DPF3: variants seen among roughly 807,000 people sequenced by gnomAD.
DPF3 encodes the protein double PHD fingers 3.
Under a neutral mutation model 56.8 loss-of-function variants are expected in DPF3, and 18 were observed. The observed-to-expected ratio is 0.32, with a 90% CI of 0.22 to 0.47. The LOEUF (loss-of-function observed/expected upper bound fraction) is 0.47, where lower values mean the gene tolerates loss of function less well. DPF3 is among the 20% of genes least tolerant of loss of function. The pLI is 1.00. For synonymous variants in DPF3, 188 were observed against 180.2 expected, an observed-to-expected ratio of 1.04 and a Z score of -0.35; for missense variants, 403 against 488.8, an observed-to-expected ratio of 0.82 and a Z score of 1.65.
chr14:72,654,851 C>A (rs1220553285), intron 8 of DPF3, among the ~76,000 whole-genome samples: 1 of 152,066 alleles, frequency 6.6e-6, no homozygotes, highest in Non-Finnish European at 1.5e-5. Flanking sequence ...ATAAAGAAAA[C>A]CAGTAACTGG....
intron 8 of DPF3, among the ~76,000 whole-genome samples, chr14:72,642,158 T>G (rs1351466048): frequency 6.6e-6 from 1 of 152,246 alleles, no homozygotes; most frequent in Non-Finnish European, 1.5e-5. Flanking sequence ...ACATCTGGAC[T>G]GCAGCCTCAT....
At chr14:72,737,495 G>A (rs759907835) in intron 3 of DPF3, among the ~76,000 whole-genome samples, 31 of 152,178 alleles carry the variant, frequency 2.0e-4, no homozygotes, top group East Asian at 5.8e-4. Flanking sequence ...CAAACGCCAC[G>A]AATGTCATGA....
chr14:72,630,348 C>T (rs990025740), intron 8 of DPF3, among the ~76,000 whole-genome samples: 5 of 152,162 alleles, frequency 3.3e-5, no homozygotes, highest in Admixed American at 3.3e-4. Flanking sequence ...AGTGGCCTGG[C>T]AGGGATGGCA....
chr14:72,673,429 T>G (rs1886776275), intron 8 of DPF3, among the ~76,000 whole-genome samples: 1 of 152,220 alleles, frequency 6.6e-6, no homozygotes, highest in Non-Finnish European at 1.5e-5. Context: ...TGTGGTCTAG[T>G]GCTGACATAA....
intron 2 of DPF3, among the ~76,000 whole-genome samples, chr14:72,761,593 T>A (rs912066166): frequency 6.6e-6 from 1 of 151,954 alleles, no homozygotes; most frequent in African/African-American, 2.4e-5. Flanking sequence ...CAGAAAATGA[T>A]GTAGTAGAAA....
chr14:72,708,920 A>G (rs1455414553), intron 6 of DPF3, among the ~76,000 whole-genome samples: 11 of 152,216 alleles, frequency 7.2e-5, no homozygotes, highest in Admixed American at 6.5e-4. Context: ...TGATCAGGGC[A>G]GTCCGGAGGC....
intron 4 of DPF3, among the ~76,000 whole-genome samples, chr14:72,727,577 A>G (rs531687248): frequency 6.9e-6 from 1 of 145,826 alleles, no homozygotes; most frequent in East Asian, 2.0e-4. Flanking sequence ...CTCCATCTCA[A>G]AAAAAAAAAA....
intron 1 of DPF3, among the ~76,000 whole-genome samples, chr14:72,858,437 C>T (rs1167655808): frequency 6.6e-6 from 1 of 152,176 alleles, no homozygotes; most frequent in East Asian, 1.9e-4. Flanking sequence ...TGCCTCCAGC[C>T]CCACAGGCAC....
intron 1 of DPF3, among the ~76,000 whole-genome samples, chr14:72,793,662 A>G (rs1327622315): frequency 1.3e-5 from 2 of 152,144 alleles, no homozygotes; most frequent in African/African-American, 4.8e-5. Context: ...GCATCCAAAG[A>G]TGGGGTGGGG....
intron 3 of DPF3, among the ~76,000 whole-genome samples, chr14:72,749,502 C>T (rs979355960): frequency 6.6e-5 from 10 of 152,118 alleles, no homozygotes; most frequent in South Asian, 2.1e-4. Flanking sequence ...CTTTGGAAGA[C>T]GGTTAGGAAG....
At chr14:72,862,856 C>T (rs1462296406) in intron 1 of DPF3, among the ~76,000 whole-genome samples, 1 of 152,098 alleles carries the variant, frequency 6.6e-6, no homozygotes, top group African/African-American at 2.4e-5. Flanking sequence ...CATCTGGGTG[C>T]CCCCACTAGA....
chr14:72,706,814 T>TTTTTTTC (rs1462542815), intron 6 of DPF3, among the ~76,000 whole-genome samples: 1 of 152,122 alleles, frequency 6.6e-6, no homozygotes, highest in Non-Finnish European at 1.5e-5. Context: ...ACAGTGCTTT[T>TTTTTTTC]TTTTTTCTTT....
chr14:72,861,737 G>GAGAAAGAAAGAGAGAGAA (rs1436291759), intron 1 of DPF3, among the ~76,000 whole-genome samples: 2 of 84,536 alleles, frequency 2.4e-5, no homozygotes, highest in Non-Finnish European at 4.8e-5. Flanking sequence ...AAGAAAGAAA[G>GAGAAAGAAAGAGAGAGAA]AGAAAGAAAG....
chr14:72,830,817 C>A (rs1390149072), intron 1 of DPF3, among the ~76,000 whole-genome samples: 1 of 152,200 alleles, frequency 6.6e-6, no homozygotes, highest in South Asian at 2.1e-4. Flanking sequence ...CCTTGTCACC[C>A]CGATCTCACT....
intron 8 of DPF3, among the ~76,000 whole-genome samples, chr14:72,633,228 G>A (rs1340453795): frequency 6.6e-6 from 1 of 152,176 alleles, no homozygotes; most frequent in African/African-American, 2.4e-5. Context: ...TCTGTGTTGA[G>A]CATGCTGAAA....
intron 8 of DPF3, among the ~76,000 whole-genome samples, chr14:72,642,829 G>C (rs1885601947): frequency 6.6e-6 from 1 of 152,204 alleles, no homozygotes; most frequent in African/African-American, 2.4e-5. Flanking sequence ...CTTCCTAGAA[G>C]TAAGCCAAAC....
At chr14:72,725,563 G>T (rs922938926) in intron 4 of DPF3, among the ~76,000 whole-genome samples, 15 of 152,040 alleles carry the variant, frequency 9.9e-5, no homozygotes, top group East Asian at 3.9e-4. Context: ...AGGAGAGATG[G>T]CATAAGATGG....
At chr14:72,852,692 G>A (rs1885027935) in intron 1 of DPF3, among the ~76,000 whole-genome samples, 1 of 152,140 alleles carries the variant, frequency 6.6e-6, no homozygotes, top group African/African-American at 2.4e-5. Flanking sequence ...TTGGTCAAAC[G>A]TTATAAAAAC....
chr14:72,619,383 C>CA lies in DPF3; in HGVS notation c.1067-17_1067-16insT, dbSNP rs2153565704. 1.3e-6 allele frequency: 2 copies of CA among 1,536,056 alleles called. No homozygotes were observed. The highest frequency in any genetic ancestry group is 2.4e-5 in the South Asian group (2 of 84,056). On this transcript the variant is annotated splice_polypyrimidine_tract_variant and intron_variant, in intron 10 of 10. Transcript: ENST00000556509. ...CTCCAGCTTCCTGCAAGAAATGAGA[C>CA]GGCTTTAGTAGCAGCCCCTCTGCTA...
Sources: allele counts gnomAD v4.1 joint callset (sites outside exome capture counted in the v4.1 genomes callset), GRCh38; gene constraint gnomAD v4.1.1; transcripts MANE v1.5; gene names NCBI Gene and HGNC (gene_info 2026-07-23, HGNC 2026-07-21).